Variants in SCAPER observed in about 807,000 individuals in gnomAD.
The protein encoded by SCAPER is S phase cyclin A-associated protein in the endoplasmic reticulum.
In SCAPER, 98 loss-of-function variants were observed where a neutral mutation model predicts 182.2. The ratio of observed to expected loss-of-function variants is 0.54; its 90% CI spans 0.46 to 0.64. The LOEUF is 0.64. Among genes scored for constraint, SCAPER ranks in the 30% least tolerant of loss-of-function variants. The probability of loss-of-function intolerance (pLI) is 0.00; values close to 1 mark genes in which losing one functional copy is unlikely to be tolerated. For synonymous variants in SCAPER, 605 were observed against 564.6 expected, an observed-to-expected ratio of 1.07 and a Z score of -1.01; for missense variants, 1,432 against 1,690.0, an observed-to-expected ratio of 0.85 and a Z score of 2.68.
chr15:76,400,741 G>A (rs963678495), intron 27 of SCAPER, among the ~76,000 whole-genome samples: 1 of 152,168 alleles, frequency 6.6e-6, no homozygotes, highest in Non-Finnish European at 1.5e-5. Flanking sequence ...TTTGTAGTAA[G>A]TCCTACTAAC....
At chr15:76,353,532 A>T (rs184246847) in intron 30 of SCAPER, among the ~76,000 whole-genome samples, 1 of 152,250 alleles carries the variant, frequency 6.6e-6, no homozygotes, top group Non-Finnish European at 1.5e-5. Flanking sequence ...TATACATATA[A>T]GAAAATCATA....
At chr15:76,393,662 C>CT (rs1047365934) in intron 27 of SCAPER, among the ~76,000 whole-genome samples, 16 of 152,270 alleles carry the variant, frequency 1.1e-4, no homozygotes, top group African/African-American at 3.6e-4. Context: ...TCTATTTCTC[C>CT]TTTTTTTGAA....
intron 8 of SCAPER, among the ~76,000 whole-genome samples, chr15:76,788,037 A>G (rs1322782470): frequency 6.6e-6 from 1 of 152,224 alleles, no homozygotes; most frequent in African/African-American, 2.4e-5. Flanking sequence ...ATGAGCAAAC[A>G]TTTCACTGAA....
chr15:76,889,843 TC>T (rs2074067641), intron 1 of SCAPER, among the ~76,000 whole-genome samples: 1 of 152,162 alleles, frequency 6.6e-6, no homozygotes, highest in African/African-American at 2.4e-5. Flanking sequence ...TACAGAACTC[TC>T]CACCCCAATT....
chr15:76,863,221 A>G (rs12437733), intron 2 of SCAPER, among the ~76,000 whole-genome samples: 58,181 of 152,138 alleles, frequency 0.38, 13,142 homozygotes, highest in Middle Eastern at 0.52. Context: ...AATGAATGTC[A>G]TATCAAAATA....
chr15:76,739,650 T>C (rs1160789321), intron 15 of SCAPER, among the ~76,000 whole-genome samples: 2 of 152,206 alleles, frequency 1.3e-5, no homozygotes, highest in African/African-American at 2.4e-5. Flanking sequence ...CTGAAACTTA[T>C]GAATTGTTTA....
At chr15:76,845,899 GA>G (rs2070026645) in intron 4 of SCAPER, among the ~76,000 whole-genome samples, 1 of 151,442 alleles carries the variant, frequency 6.6e-6, no homozygotes, top group African/African-American at 2.4e-5. Context: ...TATCCTACAC[GA>G]AAAGAACAAA....
At chr15:76,757,453 T>TAC (rs146784149) in intron 14 of SCAPER, among the ~76,000 whole-genome samples, 2,002 of 87,148 alleles carry the variant, frequency 0.023, 63 homozygotes, top group East Asian at 0.21. Flanking sequence ...CTGTTTTATA[T>TAC]ATACACACAC....
At chr15:76,748,566 G>C (rs1009657173) in intron 15 of SCAPER, among the ~76,000 whole-genome samples, 1 of 149,030 alleles carries the variant, frequency 6.7e-6, no homozygotes, top group Non-Finnish European at 1.5e-5. Flanking sequence ...AAGGCAACTT[G>C]CAAAATTAAA....
In SCAPER at chr15:76,376,248, G is replaced by A; in HGVS notation, c.3769C>T (p.His1257Tyr). ...FRHMASSLLG[H>Y]CSQVSCESLL... Reference sequence around the variant, plus strand: ...CTTTCACAGGAGACTTGGCTGCAGTGGCCCAGCAGGGAGCTGGCCATGTGC... The same window carrying A: ...CTTTCACAGGAGACTTGGCTGCAGTAGCCCAGCAGGGAGCTGGCCATGTGC... Residue 1257 changes from histidine (H) to tyrosine (Y), a missense_variant, in exon 29 of 32, where the codon CAC (histidine) becomes TAC (tyrosine). Physicochemically the swap from His to Tyr is moderately conservative, Grantham distance 83. This residue lies in a region of SCAPER where 718 missense variants were observed against 799.7 expected (regional missense o/e 0.90). Transcript: ENST00000563290. 1.2e-6 allele frequency: 2 copies of A among 1,614,012 alleles called. No individual in the cohort carries two copies. Among genetic ancestry groups the A allele is most frequent in the Admixed American group, 3.3e-5 (2 of 60,034 alleles).
chr15:76,825,722 G>A (rs778452513), intron 5 of SCAPER, among the ~76,000 whole-genome samples: 2 of 151,958 alleles, frequency 1.3e-5, no homozygotes, highest in Non-Finnish European at 2.9e-5. Flanking sequence ...TAGTGGTCTG[G>A]GCACCAAGAA....
At chr15:76,372,126 T>C (rs2042227376) in intron 29 of SCAPER, among the ~76,000 whole-genome samples, 1 of 152,116 alleles carries the variant, frequency 6.6e-6, no homozygotes, top group East Asian at 1.9e-4. Context: ...AAATCAGAAG[T>C]GGATGTCCAG....
chr15:76,579,320 T>C (rs1597482353), intron 22 of SCAPER, among the ~76,000 whole-genome samples: 1 of 114,176 alleles, frequency 8.8e-6, no homozygotes, highest in Non-Finnish European at 2.0e-5. Flanking sequence ...TTTTAAGACA[T>C]AGTACAAGAA....
intron 24 of SCAPER, among the ~76,000 whole-genome samples, chr15:76,497,987 CTCAAAAAA>C (rs1432829099): frequency 2.2e-4 from 2 of 9,068 alleles, no homozygotes; most frequent in African/African-American, 4.4e-4. Context: ...GAGACTCCGT[CTCAAAAAA>C]AAAAAAAAAA....
intron 25 of SCAPER, among the ~76,000 whole-genome samples, chr15:76,444,036 T>C (rs1420912512): frequency 6.6e-6 from 1 of 152,202 alleles, no homozygotes; most frequent in African/African-American, 2.4e-5. Flanking sequence ...TGAGTGCGTT[T>C]TGAGAAGGTT....
At chr15:76,393,812 G>GC (rs2043866391) in intron 27 of SCAPER, among the ~76,000 whole-genome samples, 2 of 152,184 alleles carry the variant, frequency 1.3e-5, no homozygotes, top group Non-Finnish European at 2.9e-5. Context: ...TTGGAACACA[G>GC]CCACCATGCT....
intron 24 of SCAPER, among the ~76,000 whole-genome samples, chr15:76,476,228 C>T (rs1425268518): frequency 1.3e-5 from 2 of 152,146 alleles, no homozygotes; most frequent in Non-Finnish European, 2.9e-5. Flanking sequence ...TCTGTAGCTT[C>T]GGGTACACAT....
chr15:76,900,069 T>C (rs1438140628), intron 1 of SCAPER, among the ~76,000 whole-genome samples: 1 of 152,214 alleles, frequency 6.6e-6, no homozygotes, highest in Non-Finnish European at 1.5e-5. Flanking sequence ...AAACATGTGC[T>C]GTGTCAACTC....
intron 3 of SCAPER, among the ~76,000 whole-genome samples, chr15:76,858,968 T>C (rs1447650321): frequency 1.3e-5 from 2 of 152,244 alleles, no homozygotes; most frequent in Non-Finnish European, 2.9e-5. Flanking sequence ...GAACAATTTA[T>C]ATTCTTTGAG....
Sources: gnomAD v4.1 joint callset for allele counts (sites outside exome capture counted in the v4.1 genomes callset) on GRCh38, gnomAD v4.1.1 for gene constraint, gnomAD v4.1.1 regional missense constraint, MANE v1.5 for transcripts, NCBI Gene and HGNC (gene_info 2026-07-23, HGNC 2026-07-21) for gene names.